Variants in SP4 observed in about 807,000 individuals in gnomAD.
SP4 encodes transcription factor Sp4.
Under a neutral mutation model 72.8 loss-of-function variants are expected in SP4, and 19 were observed. The ratio of observed to expected loss-of-function variants is 0.26; its 90% CI spans 0.18 to 0.38. The LOEUF (loss-of-function observed/expected upper bound fraction) is 0.38, where lower values mean the gene tolerates loss of function less well. SP4 is among the 10% of genes least tolerant of loss of function. The pLI is 1.00. For synonymous variants in SP4, 395 were observed against 333.1 expected (o/e 1.19, Z -2.02); for missense variants, 1,008 against 926.3 (o/e 1.09, Z -1.14).
intron 5 of SP4, among the ~76,000 whole-genome samples, chr7:21,501,979 C>T (rs1439437546): frequency 6.6e-6 from 1 of 150,486 alleles, no homozygotes; most frequent in Admixed American, 6.8e-5. Context: ...TAGTTGACCA[C>T]CAGAAGAGTG....
chr7:21,491,542 G>A (rs553756154), intron 5 of SP4, among the ~76,000 whole-genome samples: 90 of 152,212 alleles, frequency 5.9e-4, no homozygotes, highest in African/African-American at 2.1e-3. Context: ...AGGTATAATA[G>A]GTTCAGGAAG....
At chr7:21,488,623 A>G (rs1230320356) in intron 5 of SP4, among the ~76,000 whole-genome samples, 1 of 151,996 alleles carries the variant, frequency 6.6e-6, no homozygotes, top group Non-Finnish European at 1.5e-5. Flanking sequence ...AGCCAGGTGC[A>G]GTAGTGCACA....
chr7:21,504,739 A>T (rs548842740), intron 5 of SP4, among the ~76,000 whole-genome samples: 1 of 152,186 alleles, frequency 6.6e-6, no homozygotes, highest in Admixed American at 6.5e-5. Context: ...TGTTCAAACT[A>T]TCTCCCGGCT....
chr7:21,469,746 A>C (rs569749637), intron 3 of SP4, among the ~76,000 whole-genome samples: 1 of 151,972 alleles, frequency 6.6e-6, no homozygotes, highest in South Asian at 2.1e-4. Context: ...ATTTCACCAT[A>C]TTGGCCAGGC....
intron 3 of SP4, among the ~76,000 whole-genome samples, chr7:21,453,969 A>G (rs1783676997): frequency 6.6e-6 from 1 of 152,090 alleles, no homozygotes; most frequent in Non-Finnish European, 1.5e-5. Context: ...CTATATTCCC[A>G]TGCCTTCTTA....
intron 5 of SP4, among the ~76,000 whole-genome samples, chr7:21,509,268 T>C (rs914275348): frequency 2.0e-5 from 3 of 152,204 alleles, no homozygotes; most frequent in Non-Finnish European, 4.4e-5. Context: ...AGAGCTCTTA[T>C]CAAAATGTGT....
At chr7:21,490,538 G>A (rs992302195) in intron 5 of SP4, among the ~76,000 whole-genome samples, 1 of 152,196 alleles carries the variant, frequency 6.6e-6, no homozygotes. Context: ...CGTGGTGTAA[G>A]TGCAGAACAT....
At chr7:21,464,513 T>C (rs547049550) in intron 3 of SP4, among the ~76,000 whole-genome samples, 27 of 152,306 alleles carry the variant, frequency 1.8e-4, no homozygotes, top group Non-Finnish European at 3.2e-4. Flanking sequence ...TTCAGAGTTT[T>C]CCTAAAACTG....
chr7:21,434,636 G>A (rs1216335927), intron 3 of SP4, among the ~76,000 whole-genome samples: 2 of 152,018 alleles, frequency 1.3e-5, no homozygotes, highest in Admixed American at 6.5e-5. Flanking sequence ...GATTTAGGGG[G>A]TACAAGTGCG....
intron 5 of SP4, among the ~76,000 whole-genome samples, chr7:21,507,111 A>G (rs1241230124): frequency 2.6e-5 from 4 of 152,178 alleles, no homozygotes; most frequent in Admixed American, 1.3e-4. Flanking sequence ...ATTTCAGCCC[A>G]GGTGTAAGAG....
intron 5 of SP4, among the ~76,000 whole-genome samples, chr7:21,499,107 G>A (rs970637321): frequency 5.5e-4 from 81 of 147,268 alleles, no homozygotes; most frequent in African/African-American, 1.8e-3. Flanking sequence ...AAACTGTTAA[G>A]AAAATCATAA....
intron 5 of SP4, among the ~76,000 whole-genome samples, chr7:21,493,327 G>A (rs1370498881): frequency 6.6e-6 from 1 of 151,948 alleles, no homozygotes; most frequent in African/African-American, 2.4e-5. Flanking sequence ...AAGTTTCAAG[G>A]GAAATTAGAA....
chr7:21,440,916 T>C (rs1322857910), intron 3 of SP4, among the ~76,000 whole-genome samples: 1 of 152,196 alleles, frequency 6.6e-6, no homozygotes, highest in African/African-American at 2.4e-5. Context: ...TATTTCAGTA[T>C]AGTAAGAACT....
chr7:21,453,140 TAGCAATGTTTTA>T (rs1247116607), intron 3 of SP4, among the ~76,000 whole-genome samples: 1 of 152,186 alleles, frequency 6.6e-6, no homozygotes, highest in Non-Finnish European at 1.5e-5. Context: ...AACAAAGAAT[TAGCAATGTTTTA>T]AGCAAAAAGT....
At chr7:21,487,104 G>A (rs1407300806) in intron 5 of SP4, among the ~76,000 whole-genome samples, 1 of 152,066 alleles carries the variant, frequency 6.6e-6, no homozygotes, top group African/African-American at 2.4e-5. Context: ...TAGTTCTTTT[G>A]TTCTTTGGGT....
chr7:21,514,551 A>G lies in SP4; in HGVS notation c.*3282A>G, dbSNP rs997274788. On this transcript the variant is annotated 3_prime_UTR_variant, in exon 6 of 6. Coordinates refer to ENST00000222584, the MANE Select transcript of SP4 (RefSeq NM_003112.5). Reference sequence around the variant, plus strand: ...TTTTGTAAAAAAAAAAAAATGAAAAAAAAAGATGAATCCAGAAAAAAACCT... The same window carrying G: ...TTTTGTAAAAAAAAAAAAATGAAAAGAAAAGATGAATCCAGAAAAAAACCT... 6.6e-6 allele frequency: 1 copy of G among 151,796 alleles called. No individual in the cohort carries two copies. Among genetic ancestry groups the G allele is most frequent in the African/African-American group, 2.4e-5 (1 of 41,382 alleles). 9.4% of individuals were successfully genotyped at this position (151,796 alleles called of 1,614,324 possible).
At chr7:21,447,885 T>C (rs1045106421) in intron 3 of SP4, among the ~76,000 whole-genome samples, 1 of 152,182 alleles carries the variant, frequency 6.6e-6, no homozygotes, top group African/African-American at 2.4e-5. Flanking sequence ...GGTTTCACCA[T>C]CTTGGCTAGC....
At chr7:21,471,469 C>A (rs542460111) in intron 3 of SP4, among the ~76,000 whole-genome samples, 6 of 152,300 alleles carry the variant, frequency 3.9e-5, no homozygotes, top group East Asian at 1.9e-4. Flanking sequence ...CAAATCCCAG[C>A]TCTGTCACTT....
intron 5 of SP4, among the ~76,000 whole-genome samples, chr7:21,508,608 T>G (rs1782068057): frequency 6.6e-6 from 1 of 152,122 alleles, no homozygotes; most frequent in South Asian, 2.1e-4. Flanking sequence ...ATTACAGGTG[T>G]GAGCCACCGC....
Sources: gnomAD v4.1 joint callset for allele counts (sites outside exome capture counted in the v4.1 genomes callset) on GRCh38, gnomAD v4.1.1 for gene constraint, MANE v1.5 for transcripts, NCBI Gene and HGNC (gene_info 2026-07-23, HGNC 2026-07-21) for gene names.